TEX11: variants seen among roughly 807,000 people sequenced by gnomAD.
TEX11 encodes testis-expressed protein 11.
TEX11 carries 7 observed loss-of-function variants against 84.4 expected under a neutral mutation model. That is an observed-to-expected ratio of 0.08 (90% confidence interval 0.05 to 0.16). The LOEUF (loss-of-function observed/expected upper bound fraction) is 0.16. TEX11 is among the 10% of genes least tolerant of loss of function. The pLI, the probability that TEX11 is intolerant of heterozygous loss-of-function variation, is 1.00. For missense variants in TEX11, 551 were observed against 660.5 expected, an observed-to-expected ratio of 0.83 and a Z score of 1.82; for synonymous variants, 264 against 222.8, an observed-to-expected ratio of 1.18 and a Z score of -1.64.
chrX:70,627,560 G>A (rs1278071979), intron 18 of TEX11, among the ~76,000 whole-genome samples: 2 of 111,952 alleles, frequency 1.8e-5, no homozygotes, highest in Non-Finnish European at 3.8e-5. Context: ...TCAGTTTTCA[G>A]AACCTAGAAT....
At chrX:70,540,840 T>C (rs2088033884) in intron 28 of TEX11, among the ~76,000 whole-genome samples, 1 of 112,007 alleles carries the variant, frequency 8.9e-6, no homozygotes, top group East Asian at 2.8e-4. Context: ...GGGTACTTCA[T>C]ATAAATAGAA....
intron 5 of TEX11, among the ~76,000 whole-genome samples, chrX:70,855,303 G>C (rs1368897709): frequency 9.0e-6 from 1 of 110,632 alleles, no homozygotes; most frequent in Non-Finnish European, 1.9e-5. Context: ...GGTGGCTCAC[G>C]CCTGTAACCC....
At chrX:70,735,759 C>T (rs2090690989) in intron 11 of TEX11, among the ~76,000 whole-genome samples, 1 of 111,811 alleles carries the variant, frequency 8.9e-6, no homozygotes, top group Non-Finnish European at 1.9e-5. Flanking sequence ...TTCAGAAGAG[C>T]CAAAACAATT....
intron 15 of TEX11, among the ~76,000 whole-genome samples, chrX:70,671,880 G>GATATAT (rs67645855): frequency 6.0e-4 from 40 of 66,303 alleles, no homozygotes; most frequent in South Asian, 2.4e-3. Flanking sequence ...CAATTGTTTT[G>GATATAT]ATATATATAT....
At chrX:70,602,046 G>A (rs1402733864) in intron 24 of TEX11, among the ~76,000 whole-genome samples, 19 of 111,134 alleles carry the variant, frequency 1.7e-4, no homozygotes, top group Non-Finnish European at 2.6e-4. Context: ...CCAATGAGCC[G>A]CTGGGCACAC....
At chrX:70,584,003 G>A (rs953900920) in intron 25 of TEX11, among the ~76,000 whole-genome samples, 72 of 111,757 alleles carry the variant, frequency 6.4e-4, no homozygotes, top group African/African-American at 2.3e-3. Flanking sequence ...TTCCTGGCCG[G>A]GCGCGGTGGC....
intron 9 of TEX11, among the ~76,000 whole-genome samples, chrX:70,750,161 T>G (rs1352235388): frequency 1.8e-5 from 2 of 111,686 alleles, no homozygotes; most frequent in South Asian, 7.5e-4. Flanking sequence ...AGCCAAAAGA[T>G]ACGTGAAAAA....
At chrX:70,639,521 C>T (rs1185196696) in intron 17 of TEX11, among the ~76,000 whole-genome samples, 2 of 112,242 alleles carry the variant, frequency 1.8e-5, no homozygotes, top group African/African-American at 6.5e-5. Context: ...CTGTCCCTGT[C>T]TGACAGCTTT....
chrX:70,570,521 C>A (rs1258829841), intron 25 of TEX11, among the ~76,000 whole-genome samples: 3 of 112,307 alleles, frequency 2.7e-5, no homozygotes, highest in African/African-American at 9.7e-5. Context: ...GAGCTGTAGA[C>A]CAGAGCTGTT....
intron 17 of TEX11, among the ~76,000 whole-genome samples, chrX:70,641,639 G>A (rs2089659953): frequency 9.0e-6 from 1 of 111,329 alleles, no homozygotes; most frequent in South Asian, 3.9e-4. Context: ...CAACTACATG[G>A]AAACTGAACA....
intron 2 of TEX11, among the ~76,000 whole-genome samples, chrX:70,888,410 G>C (rs931054308): frequency 3.6e-5 from 4 of 112,344 alleles, no homozygotes; most frequent in African/African-American, 1.3e-4. Flanking sequence ...CAGAAATTCT[G>C]AACTAAAAAT....
At chrX:70,853,472 T>G in intron 5 of TEX11, 144 bp from the exon 6 acceptor site, 1 of 452,958 alleles carries the variant, frequency 2.2e-6, no homozygotes, top group Non-Finnish European at 3.7e-6. Context: ...TTAGCATTTG[T>G]TAGAGTTCTG....
intron 8 of TEX11, among the ~76,000 whole-genome samples, chrX:70,820,471 T>A (rs2091312778): frequency 8.9e-6 from 1 of 112,309 alleles, no homozygotes; most frequent in Non-Finnish European, 1.9e-5. Flanking sequence ...TACTTGAGAC[T>A]AAGTAATTTA....
chrX:70,834,585 G>A (rs199859432), intron 7 of TEX11, among the ~76,000 whole-genome samples: 7 of 109,365 alleles, frequency 6.4e-5, no homozygotes, highest in East Asian at 5.8e-4. Context: ...GTGAAATCCC[G>A]TCTCTACCAA....
rs780543290 is a variant in TEX11 at position 70,594,020 on chromosome X, A to C, written c.2068-2197T>G. ...AAAAACAATAATCTACACACTCAAGAAGCCCAAAAAACTCTAGGTGGGATC... is the reference window on the plus strand; with the variant it reads ...AAAAACAATAATCTACACACTCAAGCAGCCCAAAAAACTCTAGGTGGGATC... On this transcript the variant is annotated intron_variant, in intron 24 of 29. Coordinates refer to ENST00000374333, the MANE Select transcript of TEX11 (RefSeq NM_031276.3). Among the ~76,000 whole-genome samples the C allele has an allele frequency of 9.8e-5, 11 of 111,718 alleles. No individual in the cohort carries two copies. In the South Asian group the frequency reaches 2.3e-3, roughly 23 times the overall value.
At chrX:70,759,083 G>A in intron 9 of TEX11, among the ~76,000 whole-genome samples, 1 of 111,665 alleles carries the variant, frequency 9.0e-6, no homozygotes, top group African/African-American at 3.3e-5. Flanking sequence ...TTGAATTTCT[G>A]AATAGACCAA....
In TEX11 at chrX:70,680,546, C is replaced by T. The variant is rs890243614; in HGVS notation, c.1157-1657G>A. Among the ~76,000 whole-genome samples, 37 of 80,435 alleles carry T rather than the reference C, an allele frequency of 4.6e-4. 1 individual carries two copies. In the South Asian group the frequency reaches 0.028, roughly 60 times the overall value. The allele number at this position is 80,435 out of a possible 115,157, so 69.8% of individuals were successfully genotyped here. ...TATTGTCCTGTGACCCTGCCAAATCCCCCTCTGCGAGAAACACCCAAGAAT... is the reference window on the plus strand; with the variant it reads ...TATTGTCCTGTGACCCTGCCAAATCTCCCTCTGCGAGAAACACCCAAGAAT... On this transcript the variant is annotated intron_variant, in intron 14 of 29. Coordinates refer to ENST00000374333, the MANE Select transcript of TEX11 (RefSeq NM_031276.3).
intron 20 of TEX11, among the ~76,000 whole-genome samples, chrX:70,620,113 A>G (rs945968293): frequency 4.5e-5 from 5 of 110,957 alleles, no homozygotes; most frequent in African/African-American, 1.6e-4. Flanking sequence ...TGTGAGCCAC[A>G]ATGCCCGGCC....
At chrX:70,645,653 A>G (rs1035166668) in intron 17 of TEX11, among the ~76,000 whole-genome samples, 3 of 111,593 alleles carry the variant, frequency 2.7e-5, no homozygotes, top group Non-Finnish European at 5.7e-5. Context: ...AAACTACCTG[A>G]AAAAATATTA....
Sources: gnomAD v4.1 joint callset for allele counts (sites outside exome capture counted in the v4.1 genomes callset) on GRCh38, gnomAD v4.1.1 for gene constraint, MANE v1.5 for transcripts, NCBI Gene and HGNC (gene_info 2026-07-23, HGNC 2026-07-21) for gene names.